Variants in PARP4 observed in about 807,000 individuals in gnomAD.
The protein encoded by PARP4 is protein mono-ADP-ribosyltransferase PARP4.
Under a neutral mutation model 187.7 loss-of-function variants are expected in PARP4, and 120 were observed. The ratio of observed to expected loss-of-function variants is 0.64; its 90% CI spans 0.55 to 0.74. The LOEUF is 0.74. Ranked by LOEUF, PARP4 falls within the 30% of genes least tolerant of loss-of-function variation. The pLI, the probability that PARP4 is intolerant of heterozygous loss-of-function variation, is 0.00. For synonymous variants in PARP4, 654 were observed against 740.9 expected, an observed-to-expected ratio of 0.88 and a Z score of 1.90; for missense variants, 1,836 against 2,070.5, an observed-to-expected ratio of 0.89 and a Z score of 2.20.
At chr13:24,471,735 T>C (rs1872735938) in intron 15 of PARP4, among the ~76,000 whole-genome samples, 1 of 152,164 alleles carries the variant, frequency 6.6e-6, no homozygotes, top group South Asian at 2.1e-4. Flanking sequence ...CTCTTCGGGT[T>C]TGAAATATCA....
At chr13:24,459,468 G>C (rs1018655697) in intron 18 of PARP4, 158 bp from the exon 19 acceptor site, 2 of 597,280 alleles carry the variant, frequency 3.3e-6, no homozygotes, top group Non-Finnish European at 5.4e-6. Flanking sequence ...GGAATGACAG[G>C]AACTTCTAAA....
chr13:24,486,177 A>G lies in PARP4; in HGVS notation c.1343T>C (p.Ile448Thr). 6.2e-7 allele frequency: 1 copy of G among 1,610,362 alleles called. No individual in the cohort carries two copies. The highest frequency in any genetic ancestry group is 8.5e-7 in the Non-Finnish European group (1 of 1,178,840). The change falls in exon 11 of 34, where the codon ATC (isoleucine) becomes ACC (threonine). Residue 448 changes from isoleucine (I) to threonine (T), a missense_variant. Ile to Thr is a moderately conservative substitution (Grantham distance 89). This residue lies in a region of PARP4 where 1,147 missense variants were observed against 1,214.2 expected (regional missense o/e 0.94). Coordinates refer to ENST00000381989, the MANE Select transcript of PARP4 (RefSeq NM_006437.4). Reference protein sequence around the residue: ...HGSPVQNIVGILCRGLLLPKV... With the variant: ...HGSPVQNIVGTLCRGLLLPKV... ...AGATGGCTACTCTTACCGACACAAG[A>G]TTCCCACGATGTTTTGTACAGGAGA...
intron 33 of PARP4, among the ~76,000 whole-genome samples, chr13:24,422,978 G>A (rs1176919480): frequency 2.0e-5 from 3 of 152,174 alleles, no homozygotes; most frequent in Admixed American, 6.5e-5. Context: ...AATGGAGTAA[G>A]AGCAATATGC....
chr13:24,492,292 CAATTT>C, intron 9 of PARP4, 124 bp downstream of exon 9: 1 of 620,064 alleles, frequency 1.6e-6, no homozygotes, highest in South Asian at 3.0e-5. Flanking sequence ...AATGGTTCAA[CAATTT>C]ATTTTCTAGT....
intron 17 of PARP4, among the ~76,000 whole-genome samples, chr13:24,465,883 G>A (rs568487071): frequency 2.0e-5 from 3 of 152,166 alleles, no homozygotes; most frequent in South Asian, 4.2e-4. Context: ...AAAAAGAAAC[G>A]AACGTATACT....
intron 33 of PARP4, among the ~76,000 whole-genome samples, chr13:24,423,005 A>C (rs1198536456): frequency 1.3e-5 from 2 of 152,232 alleles, no homozygotes; most frequent in Non-Finnish European, 1.5e-5. Flanking sequence ...ATACTTGATC[A>C]ATTTTGAAAA....
chr13:24,490,027 G>A (rs1324887934), intron 10 of PARP4, among the ~76,000 whole-genome samples: 1 of 152,132 alleles, frequency 6.6e-6, no homozygotes, highest in African/African-American at 2.4e-5. Flanking sequence ...CTGCTGCAAT[G>A]GAATGAACCA....
intron 31 of PARP4, among the ~76,000 whole-genome samples, chr13:24,433,454 A>G (rs528398447): frequency 6.6e-6 from 1 of 152,294 alleles, no homozygotes; most frequent in South Asian, 2.1e-4. Context: ...GATCACCCCA[A>G]CAACTATTAT....
At chr13:24,508,535 G>A (rs79762772) in intron 1 of PARP4, among the ~76,000 whole-genome samples, 19,587 of 152,104 alleles carry the variant, frequency 0.13, 1,509 homozygotes, top group Middle Eastern at 0.3. Flanking sequence ...TGTTTTTTGA[G>A]ACAGTCTCGC....
chr13:24,423,361 C>T (rs1217828125), intron 33 of PARP4, among the ~76,000 whole-genome samples: 1 of 151,866 alleles, frequency 6.6e-6, no homozygotes, highest in Non-Finnish European at 1.5e-5. Flanking sequence ...GCCAACATGG[C>T]GAAACCTCAT....
intron 1 of PARP4, among the ~76,000 whole-genome samples, chr13:24,504,702 A>G (rs1232625877): frequency 6.7e-6 from 1 of 148,604 alleles, no homozygotes; most frequent in African/African-American, 2.5e-5. Context: ...CATTTTGTAA[A>G]ATTTTTTTTT....
intron 1 of PARP4, among the ~76,000 whole-genome samples, chr13:24,510,820 G>T (rs1869976623): frequency 6.7e-6 from 1 of 149,456 alleles, no homozygotes; most frequent in Non-Finnish European, 1.5e-5. Flanking sequence ...TTGAGACAGG[G>T]TCTGGCTCTG....
chr13:24,461,649 G>GA (rs1190454890), intron 17 of PARP4, among the ~76,000 whole-genome samples: 1 of 152,176 alleles, frequency 6.6e-6, no homozygotes, highest in Non-Finnish European at 1.5e-5. Flanking sequence ...GGGCCCACTG[G>GA]AAAGGCTGAG....
intron 21 of PARP4, 98 bp from the exon 22 acceptor site, chr13:24,455,310 A>G: frequency 1.4e-6 from 1 of 719,220 alleles, no homozygotes; most frequent in Non-Finnish European, 2.2e-6. Context: ...GAGGTAAACT[A>G]ATGCTATAAA....
At chr13:24,442,133 C>T (rs1264258725) in intron 29 of PARP4, among the ~76,000 whole-genome samples, 165 bp from the exon 30 acceptor site, 18 of 150,666 alleles carry the variant, frequency 1.2e-4, no homozygotes, top group African/African-American at 4.2e-4. Context: ...GGTGGAGTGG[C>T]TTTCCTCTTT....
chr13:24,490,483 T>C (rs757216142), intron 10 of PARP4, among the ~76,000 whole-genome samples, 185 bp downstream of exon 10: 4 of 152,266 alleles, frequency 2.6e-5, no homozygotes, highest in Non-Finnish European at 4.4e-5. Context: ...TAGAGGGTGT[T>C]TTCAAGCACA....
rs988392375 is a variant in PARP4, at chr13:24,477,593, G to A, written c.1789+108C>T. 13 of 679,200 alleles carry A rather than the reference G, an allele frequency of 1.9e-5. No homozygotes were observed. The African/African-American group carries it at 2.5e-4, about 13-fold the overall frequency. 42.1% of individuals were successfully genotyped at this position (679,200 alleles called of 1,614,324 possible). ...ATTGAAAGGAAATGAAATACTTATGGATGAGGTCATAGATATAACAAATGC... is the reference window on the plus strand; with the variant it reads ...ATTGAAAGGAAATGAAATACTTATGAATGAGGTCATAGATATAACAAATGC... On this transcript the variant is annotated intron_variant, in intron 14 of 33. Transcript: ENST00000381989.
In PARP4 at chr13:24,426,500, A is replaced by G. The variant is rs1306382719; in HGVS notation, c.4945T>C (p.Ser1649Pro). 1.9e-6 allele frequency: 3 copies of G among 1,612,124 alleles called. No homozygotes were observed. ...RLEKEGIVFK[S>P]LMKMDDASIS... ...GAAGCGTCATCCATTTTCATCAGTG[A>G]TTTGAACACTATTCCCTCTTTTTCC... The change falls in exon 33 of 34, where the codon TCA becomes CCA. Residue 1649 changes from serine to proline, a missense_variant. Physicochemically the swap from Ser to Pro is moderately conservative, Grantham distance 74. This residue lies in a region of PARP4 where 45 missense variants were observed against 53.1 expected (regional missense o/e 0.85). Coordinates refer to ENST00000381989, the MANE Select transcript of PARP4 (RefSeq NM_006437.4).
chr13:24,453,571 A>C lies in PARP4; in HGVS notation c.2826+16T>G. The C allele has an allele frequency of 1.3e-6, 2 of 1,519,248 alleles. No homozygotes were observed. The highest frequency in any genetic ancestry group is 1.8e-6 in the Non-Finnish European group (2 of 1,094,454). 94.1% of individuals were successfully genotyped at this position (1,519,248 alleles called of 1,614,324 possible). On this transcript the variant is annotated intron_variant, in intron 23 of 33. Coordinates refer to ENST00000381989, the MANE Select transcript of PARP4 (RefSeq NM_006437.4). ...AGGAAAAGACCCAGGAGATACAGGAAGCCTCTTGCACTCACCATGATGAAC... is the reference window on the plus strand; with the variant it reads ...AGGAAAAGACCCAGGAGATACAGGACGCCTCTTGCACTCACCATGATGAAC...
Sources: gnomAD v4.1 joint callset for allele counts (sites outside exome capture counted in the v4.1 genomes callset) on GRCh38, gnomAD v4.1.1 for gene constraint, gnomAD v4.1.1 regional missense constraint, MANE v1.5 for transcripts, NCBI Gene and HGNC (gene_info 2026-07-23, HGNC 2026-07-21) for gene names.